Variants in PRKG1 observed in about 807,000 individuals in gnomAD.
PRKG1 encodes protein kinase cGMP-dependent 1, also known as cGMP-dependent protein kinase 1.
PRKG1 carries 35 observed loss-of-function variants against 88.1 expected under a neutral mutation model. That is an observed-to-expected ratio of 0.40 (90% CI 0.30 to 0.53). The LOEUF (loss-of-function observed/expected upper bound fraction) is 0.53, where lower values mean the gene tolerates loss of function less well. PRKG1 is among the 20% of genes least tolerant of loss of function. PRKG1 has a pLI of 0.59. For missense variants in PRKG1, 540 were observed against 839.8 expected (o/e 0.64, Z 4.41); for synonymous variants, 303 against 292.5 (o/e 1.04, Z -0.37).
chr10:51,642,527 C>T (rs893313974), intron 3 of PRKG1, among the ~76,000 whole-genome samples: 2 of 152,194 alleles, frequency 1.3e-5, no homozygotes, highest in Non-Finnish European at 2.9e-5. Flanking sequence ...AAGAATTAGT[C>T]TGCATTTCTG....
intron 3 of PRKG1, among the ~76,000 whole-genome samples, chr10:51,505,496 A>T (rs1841170752): frequency 6.6e-6 from 1 of 152,182 alleles, no homozygotes; most frequent in Non-Finnish European, 1.5e-5. Context: ...AAAATGAGTT[A>T]GGGAGGATTC....
chr10:51,356,032 T>C (rs1242702840), intron 2 of PRKG1, among the ~76,000 whole-genome samples: 4 of 152,040 alleles, frequency 2.6e-5, no homozygotes, highest in African/African-American at 9.7e-5. Context: ...TTAAGTCCTG[T>C]ATTTGCTATG....
intron 1 of PRKG1, among the ~76,000 whole-genome samples, chr10:51,066,452 G>T (rs1843750655): frequency 6.6e-6 from 1 of 152,132 alleles, no homozygotes; most frequent in African/African-American, 2.4e-5. Flanking sequence ...AGTACTGTTT[G>T]TGGGACGAGA....
At chr10:51,522,591 G>A (rs1841762423) in intron 3 of PRKG1, among the ~76,000 whole-genome samples, 1 of 152,034 alleles carries the variant, frequency 6.6e-6, no homozygotes, top group Non-Finnish European at 1.5e-5. Context: ...GATGTTTTGG[G>A]GACAGTGAGG....
At chr10:51,859,151 G>T (rs1215165765) in intron 4 of PRKG1, among the ~76,000 whole-genome samples, 1 of 152,184 alleles carries the variant, frequency 6.6e-6, no homozygotes, top group Non-Finnish European at 1.5e-5. Flanking sequence ...CCATAAATTT[G>T]ATTCCCTTTA....
At chr10:51,160,399 G>T (rs548746747) in intron 2 of PRKG1, among the ~76,000 whole-genome samples, 2 of 151,966 alleles carry the variant, frequency 1.3e-5, no homozygotes, top group South Asian at 4.2e-4. Context: ...CAGTGTTAAC[G>T]GTGAATCCTT....
intron 5 of PRKG1, among the ~76,000 whole-genome samples, chr10:51,959,960 G>T (rs1435426873): frequency 6.6e-6 from 1 of 151,956 alleles, no homozygotes; most frequent in African/African-American, 2.4e-5. Context: ...TCAAAATTAT[G>T]CATATTCATG....
intron 3 of PRKG1, among the ~76,000 whole-genome samples, chr10:51,778,733 G>C (rs547900238): frequency 4.6e-5 from 7 of 152,218 alleles, no homozygotes; most frequent in African/African-American, 1.7e-4. Context: ...GAGTAGATAT[G>C]ATATTTACCT....
At chr10:52,244,970 A>T (rs904391655) in intron 9 of PRKG1, among the ~76,000 whole-genome samples, 20 of 146,150 alleles carry the variant, frequency 1.4e-4, no homozygotes, top group Non-Finnish European at 2.4e-4. Flanking sequence ...AAAAATATTA[A>T]AAATATTAAA....
At chr10:51,835,651 G>T (rs1483096758) in intron 4 of PRKG1, among the ~76,000 whole-genome samples, 2 of 152,132 alleles carry the variant, frequency 1.3e-5, no homozygotes. Context: ...ACAGACACTT[G>T]TTTCCATATC....
intron 1 of PRKG1, among the ~76,000 whole-genome samples, chr10:51,152,880 C>A (rs907374492): frequency 1.3e-5 from 2 of 150,644 alleles, no homozygotes; most frequent in Non-Finnish European, 3.0e-5. Context: ...AAGAAAAAGT[C>A]TAAAGCAAAA....
At chr10:51,618,968 G>C (rs1284532661) in intron 3 of PRKG1, among the ~76,000 whole-genome samples, 6 of 148,774 alleles carry the variant, frequency 4.0e-5, no homozygotes, top group African/African-American at 1.2e-4. Flanking sequence ...GTAGGGACAG[G>C]GTTTCATCAT....
At chr10:51,034,344 G>A (rs1253512754) in intron 1 of PRKG1, among the ~76,000 whole-genome samples, 1 of 151,990 alleles carries the variant, frequency 6.6e-6, no homozygotes, top group Non-Finnish European at 1.5e-5. Flanking sequence ...TAAGTAGTTT[G>A]TTGGTAATTT....
At chr10:51,299,697 A>G in intron 2 of PRKG1, 1 of 445,130 alleles carries the variant, frequency 2.2e-6, no homozygotes. Context: ...TGACAGCCAC[A>G]GGTATATTGC....
chr10:51,864,162 C>T (rs1840957640), intron 4 of PRKG1, among the ~76,000 whole-genome samples: 1 of 152,166 alleles, frequency 6.6e-6, no homozygotes, highest in Admixed American at 6.5e-5. Flanking sequence ...TCACTCTACA[C>T]TAAAGACATC....
chr10:51,915,824 C>A (rs1212396021), intron 5 of PRKG1, among the ~76,000 whole-genome samples: 1 of 152,042 alleles, frequency 6.6e-6, no homozygotes, highest in Non-Finnish European at 1.5e-5. Flanking sequence ...AGAAGATACA[C>A]AAAAGTCCTA....
At chr10:51,315,026 A>G (rs1841284488) in intron 2 of PRKG1, among the ~76,000 whole-genome samples, 2 of 152,356 alleles carry the variant, frequency 1.3e-5, no homozygotes, top group African/African-American at 2.4e-5. Context: ...TTCAAACTAC[A>G]TTACAGTAGA....
At chr10:51,743,737 A>AATAT (rs369411662) in intron 3 of PRKG1, among the ~76,000 whole-genome samples, 2,002 of 40,280 alleles carry the variant, frequency 0.05, 52 homozygotes, top group Non-Finnish European at 0.057. Flanking sequence ...ATATAAACTA[A>AATAT]ATATATATAT....
intron 1 of PRKG1, among the ~76,000 whole-genome samples, chr10:51,105,857 TTTAGTGCC>T (rs150970053): frequency 0.014 from 2,075 of 152,334 alleles, 51 homozygotes; most frequent in African/African-American, 0.047. Context: ...ATATTCAAGG[TTTAGTGCC>T]CCATGGCCCT....
Sources: allele counts gnomAD v4.1 joint callset (sites outside exome capture counted in the v4.1 genomes callset), GRCh38; gene constraint gnomAD v4.1.1; transcripts MANE v1.5; gene names NCBI Gene and HGNC (gene_info 2026-07-23, HGNC 2026-07-21).